Variants in LRRC40 observed in about 807,000 individuals in gnomAD.
LRRC40 encodes leucine rich repeat containing 40.
A neutral mutation model predicts 72.8 loss-of-function variants in LRRC40; 76 were observed. The ratio of observed to expected loss-of-function variants is 1.04; its 90% CI spans 0.87 to 1.26. The LOEUF is 1.26. LRRC40 is among the 50% of genes most tolerant of loss of function. The pLI is 0.00. For missense variants in LRRC40, 684 were observed against 698.9 expected, an observed-to-expected ratio of 0.98 and a Z score of 0.24; for synonymous variants, 243 against 254.2, an observed-to-expected ratio of 0.96 and a Z score of 0.42.
chr1:70,181,674 G>A (rs954276808), intron 4 of LRRC40, among the ~76,000 whole-genome samples: 11 of 151,684 alleles, frequency 7.3e-5, no homozygotes, highest in African/African-American at 2.2e-4. Context: ...TGAAAAAAAC[G>A]GCCATTCAAA....
At chr1:70,186,427 A>T (rs956722682) in intron 3 of LRRC40, among the ~76,000 whole-genome samples, 1 of 152,126 alleles carries the variant, frequency 6.6e-6, no homozygotes, top group African/African-American at 2.4e-5. Flanking sequence ...ATGTATATAT[A>T]TTTTCATTGG....
Position 70,173,684 on chromosome 1 carries a change from G to C in LRRC40, c.1003C>G (p.His335Asp), listed in dbSNP as rs150745794. The change falls in exon 8 of 15, where the codon CAT (histidine) becomes GAT (aspartate). Residue 335 changes from histidine (H) to aspartate (D), a missense_variant. By Grantham distance (81) the His-to-Asp change is moderately conservative (BLOSUM62 -1). Transcript: ENST00000370952. ...CCTTCTAATGCCAAAAATTTCAAAT[G>C]AAGGTTCCCCAATGAATAGGGAAGA... ...SSLPYSLGNLHLKFLALEGNP... is the reference protein window; with the variant it reads ...SSLPYSLGNLDLKFLALEGNP... The C allele has an allele frequency of 1.9e-5, 29 of 1,562,264 alleles. No homozygotes were observed. In the African/African-American group the frequency reaches 3.4e-4, roughly 18 times the overall value.
In LRRC40 at chr1:70,204,732, T is replaced by TACACACAC. The variant is rs3219841; in HGVS notation, c.151+650_151+657dup. Among the ~76,000 whole-genome samples, 837 of 145,268 alleles carry TACACACAC rather than the reference T, an allele frequency of 5.8e-3. 3 individuals are homozygous for TACACACAC. Among genetic ancestry groups the TACACACAC allele is most frequent in the South Asian group, 0.021 (96 of 4,536 alleles). ...TCTCCATTCCCCTCCCTCTCTCTCT[T>TACACACAC]ACACACACACACACACACACACACA... is the stretch of plus-strand genomic sequence containing the variant. On this transcript the variant is annotated intron_variant, in intron 1 of 14. Coordinates refer to ENST00000370952, the MANE Select transcript of LRRC40 (RefSeq NM_017768.5).
At chr1:70,158,123 A>G (rs1246959304) in intron 10 of LRRC40, among the ~76,000 whole-genome samples, 3 of 150,772 alleles carry the variant, frequency 2.0e-5, no homozygotes, top group Non-Finnish European at 4.4e-5. Context: ...AAAAAAAAAA[A>G]AAAAGCTAAG....
chr1:70,183,501 T>A (rs1343335568), intron 4 of LRRC40, among the ~76,000 whole-genome samples: 1 of 152,056 alleles, frequency 6.6e-6, no homozygotes, highest in Non-Finnish European at 1.5e-5. Context: ...TTTTGACAAA[T>A]TTTCTTTTCT....
chr1:70,187,365 A>G, intron 2 of LRRC40, 27 bp from the exon 3 acceptor site: 2 of 1,118,586 alleles, frequency 1.8e-6, no homozygotes, highest in East Asian at 4.7e-5. Context: ...GACAAAGTCA[A>G]TATTCTTAGT....
chr1:70,191,513 C>CAAGG (rs1668499881), intron 1 of LRRC40, among the ~76,000 whole-genome samples: 1 of 152,084 alleles, frequency 6.6e-6, no homozygotes. Context: ...TGGGAACCAT[C>CAAGG]AAGGGGCAGA....
chr1:70,157,740 A>G (rs140559343), intron 10 of LRRC40, among the ~76,000 whole-genome samples: 10 of 152,304 alleles, frequency 6.6e-5, no homozygotes, highest in Non-Finnish European at 7.4e-5. Context: ...GATACCTAGC[A>G]CAGAATGTGA....
At chr1:70,167,821 G>A (rs1667920860) in intron 9 of LRRC40, among the ~76,000 whole-genome samples, 1 of 151,988 alleles carries the variant, frequency 6.6e-6, no homozygotes, top group Non-Finnish European at 1.5e-5. Context: ...CACTATGTTG[G>A]CCAGGCTGGT....
chr1:70,164,999 T>C (rs1667851225), intron 9 of LRRC40, among the ~76,000 whole-genome samples: 1 of 152,286 alleles, frequency 6.6e-6, no homozygotes, highest in African/African-American at 2.4e-5. Context: ...TTCCACACAA[T>C]GCTACCTCAT....
chr1:70,182,592 AC>A (rs35415863), intron 4 of LRRC40, among the ~76,000 whole-genome samples: 6 of 151,806 alleles, frequency 4.0e-5, no homozygotes, highest in Admixed American at 1.3e-4. Context: ...ATTCTAATAA[AC>A]CCCCTTGTAA....
intron 11 of LRRC40, among the ~76,000 whole-genome samples, chr1:70,153,571 T>A (rs1224942707): frequency 5.9e-5 from 9 of 152,204 alleles, no homozygotes; most frequent in Non-Finnish European, 1.2e-4. Context: ...AAATCTGGCC[T>A]AGAGAAACAA....
chr1:70,159,528 TTTCTAGATATTATTGG>T, intron 9 of LRRC40, 90 bp from the exon 10 acceptor site: 1 of 519,226 alleles, frequency 1.9e-6, no homozygotes, highest in Non-Finnish European at 3.5e-6. Context: ...GTGTACGTGA[TTTCTAGATATTATTGG>T]TGAGAATGCC....
intron 4 of LRRC40, among the ~76,000 whole-genome samples, chr1:70,181,876 A>G (rs1434532580): frequency 1.3e-5 from 2 of 151,894 alleles, no homozygotes; most frequent in African/African-American, 4.8e-5. Flanking sequence ...CTTTTTTTTG[A>G]AACTCCCTTT....
Position 70,155,805 on chromosome 1 carries a change from A to G in LRRC40, c.1221-9T>C. ...AAGTTGCTTGTTTATCACTAAATGA[A>G]AAATGGTTTTAAAAAACGAACCATT... On this transcript the variant is annotated splice_polypyrimidine_tract_variant and intron_variant, in intron 10 of 14. Coordinates refer to ENST00000370952, the MANE Select transcript of LRRC40 (RefSeq NM_017768.5). The G allele has an allele frequency of 6.9e-7, 1 of 1,457,680 alleles. No individual in the cohort carries two copies. The highest frequency in any genetic ancestry group is 9.4e-7 in the Non-Finnish European group (1 of 1,063,102). 90.3% of individuals were successfully genotyped at this position (1,457,680 alleles called of 1,614,324 possible).
At chr1:70,146,626 T>C (rs1255293688) in intron 14 of LRRC40, among the ~76,000 whole-genome samples, 2 of 152,150 alleles carry the variant, frequency 1.3e-5, no homozygotes, top group African/African-American at 4.8e-5. Flanking sequence ...CTCAACCTTA[T>C]TAAGTGACTG....
intron 1 of LRRC40, 99 bp downstream of exon 1, chr1:70,205,291 T>G: frequency 1.3e-5 from 16 of 1,205,384 alleles, no homozygotes; most frequent in Non-Finnish European, 1.7e-5. Flanking sequence ...GCTAGCAGTC[T>G]GAGAAAGGGG....
chr1:70,146,030 T>C (rs1667280348), intron 14 of LRRC40, 125 bp from the exon 15 acceptor site: 16 of 555,704 alleles, frequency 2.9e-5, no homozygotes, highest in South Asian at 2.6e-4. Context: ...TTTTTATTTT[T>C]ATTTCTTTTT....
intron 9 of LRRC40, among the ~76,000 whole-genome samples, chr1:70,168,316 T>A (rs1289145884): frequency 6.6e-6 from 1 of 152,180 alleles, no homozygotes; most frequent in African/African-American, 2.4e-5. Context: ...CCCTGACTGC[T>A]CTTCCCCTGG....
Sources: allele counts gnomAD v4.1 joint callset (sites outside exome capture counted in the v4.1 genomes callset), GRCh38; gene constraint gnomAD v4.1.1; transcripts MANE v1.5; gene names NCBI Gene and HGNC (gene_info 2026-07-23, HGNC 2026-07-21).